CCDC73: variants seen among roughly 807,000 people sequenced by gnomAD.
CCDC73 encodes coiled-coil domain containing 73.
Under a neutral mutation model 116.5 loss-of-function variants are expected in CCDC73, and 95 were observed. The observed-to-expected ratio is 0.82, with a 90% confidence interval of 0.69 to 0.97. The LOEUF (loss-of-function observed/expected upper bound fraction) is 0.97. CCDC73 is among the 50% of genes least tolerant of loss of function. CCDC73 has a pLI of 0.00. For synonymous variants in CCDC73, 398 were observed against 401.3 expected, an observed-to-expected ratio of 0.99 and a Z score of 0.10; for missense variants, 1,066 against 1,206.8, an observed-to-expected ratio of 0.88 and a Z score of 1.73.
chr11:32,820,093 G>A, the CCDC73 span, among the ~76,000 whole-genome samples: 1 of 152,172 alleles, frequency 6.6e-6, no homozygotes, highest in South Asian at 2.1e-4. Context: ...TTTGAAAGTA[G>A]AGGGGAACTC....
chr11:32,651,920 T>C (rs1367538119), intron 12 of CCDC73, among the ~76,000 whole-genome samples: 1 of 152,182 alleles, frequency 6.6e-6, no homozygotes, highest in African/African-American at 2.4e-5. Flanking sequence ...CTTTTCTGAA[T>C]TGGACATCCC....
chr11:32,808,318 A>G, the CCDC73 span, among the ~76,000 whole-genome samples: 9 of 152,178 alleles, frequency 5.9e-5, no homozygotes, highest in Admixed American at 6.6e-5. Flanking sequence ...ATGAGTGGGG[A>G]GTAAGGAACA....
chr11:32,717,983 C>T, intron 3 of CCDC73, 93 bp downstream of exon 3: 1 of 805,444 alleles, frequency 1.2e-6, no homozygotes, highest in African/African-American at 1.8e-5. Flanking sequence ...CAATTACCTC[C>T]ACCTTGTCTC....
At chr11:32,717,517 T>C (rs1240622947) in intron 3 of CCDC73, among the ~76,000 whole-genome samples, 1 of 152,228 alleles carries the variant, frequency 6.6e-6, no homozygotes, top group African/African-American at 2.4e-5. Context: ...AAAATTCTTA[T>C]TCTCAGTTTT....
chr11:32,757,199 A>C (rs897651683), intron 2 of CCDC73, among the ~76,000 whole-genome samples: 8 of 152,116 alleles, frequency 5.3e-5, no homozygotes, highest in African/African-American at 1.4e-4. Context: ...CAAAAAAAAT[A>C]CTGAATGATT....
At position 32,748,140 on chromosome 11, in the gene CCDC73, T is replaced by C. The variant is rs558694761; in HGVS notation, c.135+11969A>G. Among the ~76,000 whole-genome samples the C allele has an allele frequency of 1.6e-4, 24 of 152,364 alleles. No homozygotes were observed. In the South Asian group the frequency reaches 4.8e-3, roughly 30 times the overall value. On this transcript the variant is annotated intron_variant, in intron 2 of 17. Coordinates refer to ENST00000335185, the MANE Select transcript of CCDC73 (RefSeq NM_001008391.4). Reference sequence around the variant, plus strand: ...AGTCCATTTACATTCAATGTTATTATTGATAAGTGAGGACTATCTCTCATC... The same window carrying C: ...AGTCCATTTACATTCAATGTTATTACTGATAAGTGAGGACTATCTCTCATC...
At chr11:32,796,811 A>C (rs1432256917), upstream of CCDC73, among the ~76,000 whole-genome samples, 3 of 152,030 alleles carry the variant, frequency 2.0e-5, no homozygotes, top group Admixed American at 6.6e-5. Context: ...GGAATTTGAG[A>C]CCAGCCTGGC....
At chr11:32,748,022 C>G (rs1031298078) in intron 2 of CCDC73, among the ~76,000 whole-genome samples, 67 of 152,366 alleles carry the variant, frequency 4.4e-4, no homozygotes, top group African/African-American at 1.6e-3. Context: ...CACCCATCTT[C>G]TGCATCAGTC....
At chr11:32,690,763 C>G (rs931895417) in intron 6 of CCDC73, among the ~76,000 whole-genome samples, 4 of 152,202 alleles carry the variant, frequency 2.6e-5, no homozygotes, top group Admixed American at 2.0e-4. Flanking sequence ...AATTAAACCT[C>G]TTTTGTTCAT....
At chr11:32,617,841 T>C (rs938915767) in intron 14 of CCDC73, among the ~76,000 whole-genome samples, 5 of 152,222 alleles carry the variant, frequency 3.3e-5, no homozygotes, top group Admixed American at 6.5e-5. Flanking sequence ...AGTGGCAATA[T>C]CTAATGAACC....
At chr11:32,650,719 G>A (rs1453760544) in intron 12 of CCDC73, among the ~76,000 whole-genome samples, 4 of 152,148 alleles carry the variant, frequency 2.6e-5, no homozygotes, top group Middle Eastern at 3.4e-3. Context: ...TTTGGGACAC[G>A]TAAGAGAAAT....
At chr11:32,638,125 C>T (rs547088900) in intron 13 of CCDC73, among the ~76,000 whole-genome samples, 1 of 152,302 alleles carries the variant, frequency 6.6e-6, no homozygotes, top group African/African-American at 2.4e-5. Flanking sequence ...TTCCAAAATT[C>T]ATCCTGCATC....
intron 6 of CCDC73, 100 bp downstream of exon 6, chr11:32,699,151 T>G: frequency 7.8e-7 from 1 of 1,275,616 alleles, no homozygotes; most frequent in Non-Finnish European, 1.0e-6. Flanking sequence ...GATATAAACT[T>G]TTGTCAGCTT....
In CCDC73 at chr11:32,635,717, A is replaced by C. The variant is rs201911849; in HGVS notation, c.1164T>G (p.Phe388Leu). 4.6e-6 allele frequency: 6 copies of C among 1,313,744 alleles called. No homozygotes were observed. The highest frequency in any genetic ancestry group is 5.9e-6 in the Non-Finnish European group (6 of 1,015,100). The allele number at this position is 1,313,744 out of a possible 1,614,324, so 81.4% of individuals were successfully genotyped here. The change falls in exon 14 of 18, where the codon TTT becomes TTG. Residue 388 changes from phenylalanine to leucine, a missense_variant. Phe to Leu is a conservative substitution (Grantham distance 22). Coordinates refer to ENST00000335185, the MANE Select transcript of CCDC73 (RefSeq NM_001008391.4). ...HYNKLCNQKT[F>L]EEDKKFQNVP... ...TTACCTGAAACTTTTTGTCTTCCTC[A>C]AATGTTTTTTGATTGCATAATTTGT...
chr11:32,799,091 A>ATT (rs36041424), upstream of CCDC73, among the ~76,000 whole-genome samples: 1 of 118,288 alleles, frequency 8.5e-6, no homozygotes, highest in Non-Finnish European at 1.7e-5. Context: ...TTTTCTTTTC[A>ATT]TTTTTTTTTT....
chr11:32,685,640 T>C (rs376014716), intron 6 of CCDC73, among the ~76,000 whole-genome samples: 2 of 151,568 alleles, frequency 1.3e-5, no homozygotes, highest in Admixed American at 6.6e-5. Flanking sequence ...ATGTGTGATA[T>C]GGATTTGGTT....
At chr11:32,665,114 C>T (rs1188487146) in intron 9 of CCDC73, among the ~76,000 whole-genome samples, 1 of 152,136 alleles carries the variant, frequency 6.6e-6, no homozygotes, top group Admixed American at 6.5e-5. Context: ...TGATGTGGTG[C>T]TGAGAAAAAT....
chr11:32,699,433 T>C (rs898059351), intron 5 of CCDC73, 108 bp from the exon 6 acceptor site: 2 of 1,222,328 alleles, frequency 1.6e-6, no homozygotes. Flanking sequence ...ATTTCAATAC[T>C]TTCTAATGTA....
intron 12 of CCDC73, among the ~76,000 whole-genome samples, chr11:32,652,127 A>C (rs1855830908): frequency 6.6e-6 from 1 of 152,154 alleles, no homozygotes; most frequent in African/African-American, 2.4e-5. Context: ...TGTTCTTGGT[A>C]AACTTCCAAA....
Sources: allele counts gnomAD v4.1 joint callset (sites outside exome capture counted in the v4.1 genomes callset), GRCh38; gene constraint gnomAD v4.1.1; transcripts MANE v1.5; gene names NCBI Gene and HGNC (gene_info 2026-07-23, HGNC 2026-07-21).